The following GALNT17 variants were observed in gnomAD, a reference collection of about 807,000 sequenced individuals.
The protein encoded by GALNT17 is UDP-GalNAc:polypeptide N-acetylgalactosaminyltransferase-like 3.
A neutral mutation model predicts 63.7 loss-of-function variants in GALNT17; 29 were observed. The observed-to-expected ratio is 0.46, with a 90% confidence interval of 0.34 to 0.62. GALNT17 has a LOEUF of 0.62. Among genes scored for constraint, GALNT17 ranks in the 20% least tolerant of loss-of-function variants. GALNT17 has a pLI of 0.01. For synonymous variants in GALNT17, 305 were observed against 318.3 expected (o/e 0.96, Z 0.45); for missense variants, 603 against 799.6 (o/e 0.75, Z 2.97).
intron 1 of GALNT17, among the ~76,000 whole-genome samples, chr7:71,184,956 CT>C: frequency 1.9e-5 from 2 of 106,624 alleles, no homozygotes; most frequent in Non-Finnish European, 3.5e-5. Context: ...TCCTTCCTTC[CT>C]TCCTTCCTTC....
intron 1 of GALNT17, among the ~76,000 whole-genome samples, chr7:71,283,100 T>C (rs972347561): frequency 6.6e-6 from 1 of 151,796 alleles, no homozygotes; most frequent in South Asian, 2.1e-4. Context: ...GGTGTGATCA[T>C]AGCTCGTGGT....
chr7:71,154,040 A>G (rs1018648376), intron 1 of GALNT17, among the ~76,000 whole-genome samples: 4 of 152,214 alleles, frequency 2.6e-5, no homozygotes, highest in Non-Finnish European at 5.9e-5. Flanking sequence ...GGCCTCCGTG[A>G]CTTGCTTCTA....
intron 6 of GALNT17, among the ~76,000 whole-genome samples, chr7:71,572,913 C>T (rs1490956687): frequency 6.6e-6 from 1 of 152,196 alleles, no homozygotes; most frequent in African/African-American, 2.4e-5. Flanking sequence ...CCCAGCAGCA[C>T]AGTCCTGTCC....
intron 6 of GALNT17, among the ~76,000 whole-genome samples, chr7:71,656,497 T>A (rs1790830340): frequency 6.6e-6 from 1 of 151,988 alleles, no homozygotes; most frequent in South Asian, 2.1e-4. Context: ...TGAGGATTTA[T>A]TTTCAGAGTG....
At chr7:71,561,273 A>G (rs1475559112) in intron 5 of GALNT17, among the ~76,000 whole-genome samples, 4 of 152,090 alleles carry the variant, frequency 2.6e-5, no homozygotes, top group African/African-American at 4.8e-5. Flanking sequence ...CGGCCTCCCA[A>G]AGTGCTGGGA....
intron 6 of GALNT17, among the ~76,000 whole-genome samples, chr7:71,595,947 T>C (rs539194190): frequency 2.0e-4 from 30 of 152,156 alleles, no homozygotes; most frequent in African/African-American, 7.0e-4. Context: ...GGCAAGAGAG[T>C]AGATGTTGGC....
chr7:71,484,797 A>ATTTT (rs386410414), intron 5 of GALNT17, among the ~76,000 whole-genome samples: 22,753 of 107,282 alleles, frequency 0.21, 3,682 homozygotes, highest in Non-Finnish European at 0.24. Context: ...CAGCATCAGG[A>ATTTT]TTTTTTTTTT....
intron 6 of GALNT17, among the ~76,000 whole-genome samples, chr7:71,572,161 G>A (rs1789453792): frequency 6.6e-6 from 1 of 151,708 alleles, no homozygotes; most frequent in South Asian, 2.1e-4. Flanking sequence ...AGGATCACAT[G>A]AGCCCAGGAA....
At chr7:71,673,263 T>C (rs949700124) in intron 8 of GALNT17, among the ~76,000 whole-genome samples, 2 of 152,194 alleles carry the variant, frequency 1.3e-5, no homozygotes, top group South Asian at 2.1e-4. Flanking sequence ...CATGTTATTT[T>C]TGAGGAAATT....
chr7:71,708,003 A>C (rs1178833431), intron 9 of GALNT17, among the ~76,000 whole-genome samples: 1 of 152,226 alleles, frequency 6.6e-6, no homozygotes, highest in African/African-American at 2.4e-5. Context: ...AACCTACCAC[A>C]ATCATCCAGC....
chr7:71,670,249 C>A, intron 8 of GALNT17, 140 bp downstream of exon 8: 2 of 1,169,070 alleles, frequency 1.7e-6, no homozygotes, highest in Middle Eastern at 2.0e-4. Context: ...GCAAGATTCT[C>A]TCTAGCTGGG....
At chr7:71,172,084 T>A (rs1788556640) in intron 1 of GALNT17, among the ~76,000 whole-genome samples, 2 of 151,986 alleles carry the variant, frequency 1.3e-5, no homozygotes, top group Non-Finnish European at 2.9e-5. Context: ...GAAAACCACA[T>A]AGGACAGATG....
chr7:71,488,638 G>A (rs1277763368), intron 5 of GALNT17, among the ~76,000 whole-genome samples: 1 of 143,030 alleles, frequency 7.0e-6, no homozygotes, highest in African/African-American at 2.6e-5. Flanking sequence ...GGAGTGCAGT[G>A]GCAGGATCTT....
At chr7:71,263,278 G>A (rs1790418720) in intron 1 of GALNT17, among the ~76,000 whole-genome samples, 1 of 152,066 alleles carries the variant, frequency 6.6e-6, no homozygotes, top group African/African-American at 2.4e-5. Context: ...AGAATCATTT[G>A]AACCCGGGAG....
intron 2 of GALNT17, among the ~76,000 whole-genome samples, chr7:71,383,914 A>C (rs1031326574): frequency 1.1e-4 from 17 of 152,168 alleles, no homozygotes; most frequent in African/African-American, 4.1e-4. Flanking sequence ...CTCTATGAAC[A>C]TGCGGGTACA....
intron 6 of GALNT17, among the ~76,000 whole-genome samples, chr7:71,649,327 T>C (rs1331936453): frequency 2.0e-5 from 3 of 152,146 alleles, no homozygotes; most frequent in Admixed American, 6.6e-5. Flanking sequence ...AACACACCAA[T>C]ACACCAAAAC....
At chr7:71,238,346 AGCTGCATTCGG>A (rs1256633705) in intron 1 of GALNT17, among the ~76,000 whole-genome samples, 2 of 152,126 alleles carry the variant, frequency 1.3e-5, no homozygotes, top group African/African-American at 4.8e-5. Context: ...ATTTGCATCT[AGCTGCATTCGG>A]AATTTATTTA....
chr7:71,458,293 C>G (rs367562323), intron 5 of GALNT17, among the ~76,000 whole-genome samples: 1 of 152,196 alleles, frequency 6.6e-6, no homozygotes, highest in African/African-American at 2.4e-5. Context: ...TCTCTCACCC[C>G]CCTTGCAGGA....
chr7:71,648,439 G>A (rs954842732), intron 6 of GALNT17, among the ~76,000 whole-genome samples: 1 of 151,762 alleles, frequency 6.6e-6, no homozygotes. Context: ...CCCAGATAAC[G>A]TTTTTAAAAA....
Sources: gnomAD v4.1 joint callset for allele counts (sites outside exome capture counted in the v4.1 genomes callset) on GRCh38, gnomAD v4.1.1 for gene constraint, MANE v1.5 for transcripts, NCBI Gene and HGNC (gene_info 2026-07-23, HGNC 2026-07-21) for gene names.